ERBB4: variants seen among roughly 807,000 people sequenced by gnomAD.
ERBB4 encodes erb-b2 receptor tyrosine kinase 4.
In ERBB4, 42 loss-of-function variants were observed where a neutral mutation model predicts 158.0. The ratio of observed to expected loss-of-function variants is 0.27; its 90% CI spans 0.21 to 0.34. The LOEUF (loss-of-function observed/expected upper bound fraction) is 0.34, where lower values mean the gene tolerates loss of function less well. ERBB4 is among the 10% of genes least tolerant of loss of function. ERBB4 has a pLI of 1.00. For missense variants in ERBB4, 1,333 were observed against 1,624.1 expected, an observed-to-expected ratio of 0.82 and a Z score of 3.08; for synonymous variants, 583 against 558.7, an observed-to-expected ratio of 1.04 and a Z score of -0.61.
intron 19 of ERBB4, among the ~76,000 whole-genome samples, chr2:211,579,263 C>T (rs148411783): frequency 1.3e-5 from 2 of 152,090 alleles, no homozygotes; most frequent in African/African-American, 2.4e-5. Context: ...ATCTCATGCC[C>T]GTCAGAATAG....
chr2:211,889,836 G>C (rs528521953), intron 3 of ERBB4, among the ~76,000 whole-genome samples: 1 of 151,944 alleles, frequency 6.6e-6, no homozygotes, highest in Non-Finnish European at 1.5e-5. Context: ...GAAATGAAGC[G>C]AGAAGGGAAG....
At chr2:211,490,541 A>C (rs994216763) in intron 20 of ERBB4, among the ~76,000 whole-genome samples, 1 of 152,052 alleles carries the variant, frequency 6.6e-6, no homozygotes, top group African/African-American at 2.4e-5. Context: ...TAATGAGTTT[A>C]TATAACTCAC....
chr2:212,475,526 T>C (rs547975241), intron 1 of ERBB4, among the ~76,000 whole-genome samples: 2 of 152,312 alleles, frequency 1.3e-5, no homozygotes, highest in South Asian at 4.1e-4. Context: ...AAGCCTTCTC[T>C]GCATAATTAA....
intron 19 of ERBB4, among the ~76,000 whole-genome samples, chr2:211,566,490 G>A (rs968941510): frequency 6.6e-6 from 1 of 152,104 alleles, no homozygotes; most frequent in African/African-American, 2.4e-5. Context: ...GGATTCACGA[G>A]GTGAAAACAT....
intron 13 of ERBB4, among the ~76,000 whole-genome samples, chr2:211,677,577 TA>T (rs566073475): frequency 0.028 from 3,321 of 117,146 alleles, 110 homozygotes; most frequent in African/African-American, 0.093. Context: ...AAAAATAAAT[TA>T]AAAAAAAAAA....
chr2:211,839,388 G>A (rs767456409), intron 3 of ERBB4, among the ~76,000 whole-genome samples: 2 of 151,892 alleles, frequency 1.3e-5, no homozygotes, highest in African/African-American at 4.8e-5. Context: ...TTGACCTCTA[G>A]GGGCTACATA....
At chr2:211,524,973 T>C (rs2066305980) in intron 20 of ERBB4, among the ~76,000 whole-genome samples, 1 of 152,148 alleles carries the variant, frequency 6.6e-6, no homozygotes, top group Non-Finnish European at 1.5e-5. Flanking sequence ...TGAAGTCAGC[T>C]TATGCCTGCT....
intron 2 of ERBB4, among the ~76,000 whole-genome samples, chr2:211,955,421 C>A (rs2081000476): frequency 6.6e-6 from 1 of 152,002 alleles, no homozygotes; most frequent in Non-Finnish European, 1.5e-5. Flanking sequence ...AATAGTCCCC[C>A]TTCAGATCTC....
At chr2:211,447,945 T>G (rs951968098) in intron 20 of ERBB4, among the ~76,000 whole-genome samples, 1 of 152,076 alleles carries the variant, frequency 6.6e-6, no homozygotes, top group Non-Finnish European at 1.5e-5. Context: ...AAGGAAGAAC[T>G]TCATTGTATA....
chr2:211,989,526 T>C (rs1395762479), intron 2 of ERBB4, among the ~76,000 whole-genome samples: 2 of 151,952 alleles, frequency 1.3e-5, no homozygotes, highest in Non-Finnish European at 2.9e-5. Flanking sequence ...TTTAATCAAT[T>C]TAAAATAGTA....
chr2:211,998,890 G>A (rs556624976), intron 2 of ERBB4, among the ~76,000 whole-genome samples: 45 of 151,858 alleles, frequency 3.0e-4, no homozygotes, highest in African/African-American at 1.0e-3. Context: ...TCACTACTAT[G>A]ATTACCTTTA....
intron 3 of ERBB4, among the ~76,000 whole-genome samples, chr2:211,946,621 T>C (rs1439884591): frequency 1.6e-5 from 2 of 127,728 alleles, no homozygotes; most frequent in Non-Finnish European, 3.2e-5. Flanking sequence ...GGAGTTTCGC[T>C]GTTGTTGCCC....
chr2:211,387,255 G>C (rs2062706176), intron 26 of ERBB4, 105 bp from the exon 27 acceptor site: 3 of 982,728 alleles, frequency 3.1e-6, no homozygotes, highest in African/African-American at 1.6e-5. Flanking sequence ...TCAGAGAATA[G>C]TCATAGTATT....
intron 3 of ERBB4, among the ~76,000 whole-genome samples, chr2:211,805,145 C>G (rs2105899914): frequency 6.6e-6 from 1 of 152,226 alleles, no homozygotes; most frequent in East Asian, 1.9e-4. Context: ...TCTCAAACTC[C>G]TGACTTCAAG....
chr2:211,487,806 A>G (rs1175160624), intron 20 of ERBB4, among the ~76,000 whole-genome samples: 1 of 152,070 alleles, frequency 6.6e-6, no homozygotes, highest in Admixed American at 6.6e-5. Context: ...GGGTTATGGA[A>G]AAGGAGAGGA....
intron 2 of ERBB4, among the ~76,000 whole-genome samples, chr2:211,982,088 A>G (rs537797095): frequency 6.6e-6 from 1 of 152,112 alleles, no homozygotes; most frequent in South Asian, 2.1e-4. Flanking sequence ...AGCAATATTG[A>G]TAAAAACAAT....
At chr2:211,566,338 C>A (rs1431786421) in intron 19 of ERBB4, among the ~76,000 whole-genome samples, 1 of 152,192 alleles carries the variant, frequency 6.6e-6, no homozygotes, top group Non-Finnish European at 1.5e-5. Context: ...AGGGAGACTG[C>A]AGCTGGAAGG....
intron 2 of ERBB4, among the ~76,000 whole-genome samples, chr2:211,970,084 G>C (rs1480084617): frequency 1.3e-5 from 2 of 151,956 alleles, no homozygotes; most frequent in African/African-American, 4.8e-5. Flanking sequence ...GACATTGTGG[G>C]ACATGGTATC....
At chr2:212,023,161 A>T (rs2076694639) in intron 2 of ERBB4, among the ~76,000 whole-genome samples, 1 of 152,154 alleles carries the variant, frequency 6.6e-6, no homozygotes, top group Non-Finnish European at 1.5e-5. Flanking sequence ...TCCAGCCTGG[A>T]CATGAGCCAT....
Sources: allele counts gnomAD v4.1 joint callset (sites outside exome capture counted in the v4.1 genomes callset), GRCh38; gene constraint gnomAD v4.1.1; transcripts MANE v1.5; gene names NCBI Gene and HGNC (gene_info 2026-07-23, HGNC 2026-07-21).